PNPT1: variants seen among roughly 807,000 people sequenced by gnomAD.
PNPT1 encodes the protein polyribonucleotide nucleotidyltransferase 1, mitochondrial.
A neutral mutation model predicts 119.5 loss-of-function variants in PNPT1; 53 were observed. The observed-to-expected ratio is 0.44, with a 90% CI of 0.36 to 0.56. The LOEUF (loss-of-function observed/expected upper bound fraction) is 0.56. PNPT1 is among the 20% of genes least tolerant of loss of function. PNPT1 has a pLI of 0.00. For missense variants in PNPT1, 948 were observed against 938.5 expected, an observed-to-expected ratio of 1.01 and a Z score of -0.13; for synonymous variants, 357 against 322.1, an observed-to-expected ratio of 1.11 and a Z score of -1.16.
intron 9 of PNPT1, 23 bp from the exon 10 acceptor site, chr2:55,672,069 T>C: frequency 2.6e-6 from 4 of 1,548,668 alleles, no homozygotes; most frequent in Non-Finnish European, 3.5e-6. Flanking sequence ...AAAATAAATG[T>C]TAGCATAATA....
At chr2:55,685,149 G>C (rs1411091144) in intron 3 of PNPT1, 101 bp from the exon 4 acceptor site, 2 of 738,862 alleles carry the variant, frequency 2.7e-6, no homozygotes, top group African/African-American at 1.8e-5. Flanking sequence ...ACACAGTCTA[G>C]ACTCAGAGTA....
At chr2:55,658,588 C>G (rs916347064) in intron 15 of PNPT1, among the ~76,000 whole-genome samples, 1 of 152,154 alleles carries the variant, frequency 6.6e-6, no homozygotes, top group Non-Finnish European at 1.5e-5. Context: ...CCATATCCTT[C>G]TCCAGCTCCC....
At chr2:55,688,102 G>A (rs1024495712) in intron 1 of PNPT1, among the ~76,000 whole-genome samples, 9 of 150,714 alleles carry the variant, frequency 6.0e-5, no homozygotes, top group Non-Finnish European at 1.0e-4. Context: ...GGAATGCAGT[G>A]GCACAATTAC....
rs1246706797 is a variant in PNPT1 at position 55,643,173 on chromosome 2, G to A, written c.2054C>T (p.Thr685Ile). The A allele has an allele frequency of 6.2e-7, 1 of 1,614,130 alleles. No homozygotes were observed. Among genetic ancestry groups the A allele is most frequent in the Non-Finnish European group, 8.5e-7 (1 of 1,180,004 alleles). ...QLEFGAVYTA[T>I]ITEIRDTGVM... ...TTGATATTACCTGATTTCAGTTATT[G>A]TGGCGGTATATACTGCTCCAAATTC... is the stretch of plus-strand genomic sequence containing the variant. The change falls in exon 25 of 28, where the codon ACA becomes ATA. Residue 685 changes from threonine (T) to isoleucine (I), a missense_variant. Coordinates refer to ENST00000447944, the MANE Select transcript of PNPT1 (RefSeq NM_033109.5).
At chr2:55,691,872 ATATATATTTTTTTTTTTTT>A (rs1190695036) in intron 1 of PNPT1, among the ~76,000 whole-genome samples, 250 of 11,564 alleles carry the variant, frequency 0.022, 3 homozygotes, top group African/African-American at 0.041. Flanking sequence ...ATATATATAT[ATATATATTTTTTTTTTTTT>A]TTTTTTTTTT....
chr2:55,688,762 ACAAC>A (rs1697500894), intron 1 of PNPT1, among the ~76,000 whole-genome samples: 2 of 151,332 alleles, frequency 1.3e-5, no homozygotes, highest in Admixed American at 6.6e-5. Flanking sequence ...AACAACAACA[ACAAC>A]AAAAAACTTT....
At chr2:55,650,932 C>G (rs1389833881) in intron 18 of PNPT1, among the ~76,000 whole-genome samples, 1 of 150,574 alleles carries the variant, frequency 6.6e-6, no homozygotes, top group Non-Finnish European at 1.5e-5. Flanking sequence ...GCCGCCCCGT[C>G]CGGGAGGGAG....
chr2:55,657,396 C>G (rs1254237784), intron 15 of PNPT1, among the ~76,000 whole-genome samples: 1 of 147,944 alleles, frequency 6.8e-6, no homozygotes, highest in East Asian at 2.0e-4. Flanking sequence ...TTTGTTTTTT[C>G]TTTTTTTTTA....
chr2:55,645,928 A>C (rs951258166), intron 21 of PNPT1, among the ~76,000 whole-genome samples: 1 of 152,058 alleles, frequency 6.6e-6, no homozygotes, highest in Admixed American at 6.6e-5. Flanking sequence ...CCTGGGCTCA[A>C]GCGATTCTCT....
chr2:55,666,931 A>G (rs1397833999), intron 13 of PNPT1, 60 bp downstream of exon 13: 24 of 1,100,894 alleles, frequency 2.2e-5, no homozygotes, highest in Middle Eastern at 3.0e-4. Context: ...ATGTACTTCT[A>G]TTAGATCTAA....
At chr2:55,642,294 CTAG>C (rs2104023868) in intron 25 of PNPT1, among the ~76,000 whole-genome samples, 1 of 151,982 alleles carries the variant, frequency 6.6e-6, no homozygotes, top group South Asian at 2.1e-4. Context: ...TCACCAATTA[CTAG>C]TAGAAAATTT....
chr2:55,693,806 G>A lies in PNPT1; in HGVS notation c.18C>T (p.Tyr6=). MAACR[Y]CCSCLRLRPL... ...GCCGGAGCCGGAGGCACGAGCAGCA[G>A]TACCTGCAGGCCGCCATGACACCCG... The change falls in exon 1 of 28, where the codon TAC becomes TAT. Residue 6 remains tyrosine (Y), a synonymous_variant. Transcript: ENST00000447944. 3 of 1,613,824 alleles carry A rather than the reference G, an allele frequency of 1.9e-6. No homozygotes were observed. Among genetic ancestry groups the A allele is most frequent in the East Asian group, 4.5e-5 (2 of 44,880 alleles).
In PNPT1 at chr2:55,656,122, A is replaced by G. The variant is rs1696378421; in HGVS notation, c.1441+9T>C. On this transcript the variant is annotated intron_variant, in intron 17 of 27. Coordinates refer to ENST00000447944, the MANE Select transcript of PNPT1 (RefSeq NM_033109.5). ...TTTCTACTATGAAAGAAGTATTTCA[A>G]TACCATACCATTTGACTCTAGGACT... The G allele has an allele frequency of 8.7e-6, 14 of 1,610,722 alleles. No homozygotes were observed. The highest frequency in any genetic ancestry group is 1.2e-5 in the Non-Finnish European group (14 of 1,178,850).
At chr2:55,643,261 A>G (rs1471004383) in intron 24 of PNPT1, 48 bp from the exon 25 acceptor site, 3 of 1,613,496 alleles carry the variant, frequency 1.9e-6, no homozygotes, top group Non-Finnish European at 2.5e-6. Context: ...AACATCAACA[A>G]AAAGTAGAAA....
At chr2:55,691,866 ATATATATATATATTTTTTTTTTT>A (rs1253667848) in intron 1 of PNPT1, among the ~76,000 whole-genome samples, 3 of 77,294 alleles carry the variant, frequency 3.9e-5, no homozygotes, top group African/African-American at 1.2e-4. Context: ...ATATATATAT[ATATATATATATATTTTTTTTTTT>A]TTTTTTTTTT....
chr2:55,690,436 C>T (rs951817753), intron 1 of PNPT1, among the ~76,000 whole-genome samples: 2 of 152,186 alleles, frequency 1.3e-5, no homozygotes, highest in African/African-American at 4.8e-5. Context: ...AAACCAAACA[C>T]AAGCATGTAG....
At chr2:55,646,139 ATC>A in intron 21 of PNPT1, 118 bp downstream of exon 21, 1 of 1,003,946 alleles carries the variant, frequency 1.0e-6, no homozygotes, top group African/African-American at 1.7e-5. Flanking sequence ...GTACTTCTTG[ATC>A]TAAGTTATAT....
intron 25 of PNPT1, among the ~76,000 whole-genome samples, chr2:55,641,507 G>A (rs532300935): frequency 1.1e-4 from 17 of 151,820 alleles, no homozygotes; most frequent in Non-Finnish European, 2.2e-4. Flanking sequence ...AAAAATTTTC[G>A]AAATGACATT....
chr2:55,649,160 C>A (rs1197063963), intron 18 of PNPT1, among the ~76,000 whole-genome samples: 1 of 152,136 alleles, frequency 6.6e-6, no homozygotes, highest in African/African-American at 2.4e-5. Flanking sequence ...AAAATTGAGC[C>A]AGGCCCAGTG....
Sources: allele counts gnomAD v4.1 joint callset (sites outside exome capture counted in the v4.1 genomes callset), GRCh38; gene constraint gnomAD v4.1.1; transcripts MANE v1.5; gene names NCBI Gene and HGNC (gene_info 2026-07-23, HGNC 2026-07-21).